The following SGCZ variants were observed in gnomAD, a reference collection of about 807,000 sequenced individuals.
SGCZ encodes the protein sarcoglycan zeta, also known as zeta-sarcoglycan.
In SGCZ, 40 loss-of-function variants were observed where a neutral mutation model predicts 41.3. The observed-to-expected ratio is 0.97, with a 90% CI of 0.75 to 1.26. The LOEUF is 1.26. Among genes scored for constraint, SGCZ ranks in the 50% most tolerant of loss-of-function variants. The probability of loss-of-function intolerance (pLI) is 0.00; values close to 1 mark genes in which losing one functional copy is unlikely to be tolerated. For synonymous variants in SGCZ, 206 were observed against 137.5 expected, an observed-to-expected ratio of 1.50 and a Z score of -3.49; for missense variants, 552 against 369.8, an observed-to-expected ratio of 1.49 and a Z score of -4.04.
intron 1 of SGCZ, among the ~76,000 whole-genome samples, chr8:15,206,980 A>G (rs1801089195): frequency 6.6e-6 from 1 of 152,198 alleles, no homozygotes; most frequent in Admixed American, 6.5e-5. Flanking sequence ...AGCTTGCAGA[A>G]AAAAGGAAAG....
At position 14,363,682 on chromosome 8, in the gene SGCZ, T is replaced by A. The variant is rs1378323159; in HGVS notation, c.235-39478A>T. Among the ~76,000 whole-genome samples, 4 of 152,168 alleles carry A rather than the reference T, an allele frequency of 2.6e-5. No individual in the cohort carries two copies. In the East Asian group the frequency reaches 7.7e-4, roughly 29 times the overall value. On this transcript the variant is annotated intron_variant, in intron 2 of 7. Coordinates refer to ENST00000382080, the MANE Select transcript of SGCZ (RefSeq NM_139167.4). ...TTATTCAGTTTTATTCAGTTAACAG[T>A]TATGCACAGTGGTTTGTGGCAGCTG...
In SGCZ at chr8:14,891,789, C is replaced by T. The variant is rs542085399; in HGVS notation, c.40-336863G>A. On this transcript the variant is annotated intron_variant, in intron 1 of 7. Transcript: ENST00000382080. Reference sequence around the variant, plus strand: ...ATTGTCTTATTTTAAGCCGTTGCCACGGCTACCTCACTCTTTAGCAACCAT... The same window carrying T: ...ATTGTCTTATTTTAAGCCGTTGCCATGGCTACCTCACTCTTTAGCAACCAT... Among the ~76,000 whole-genome samples, 12 of 152,300 alleles carry T rather than the reference C, an allele frequency of 7.9e-5. No homozygotes were observed. The East Asian group carries it at 1.4e-3, about 17-fold the overall frequency.
chr8:14,426,052 C>G (rs1799773748), intron 2 of SGCZ, among the ~76,000 whole-genome samples: 1 of 151,666 alleles, frequency 6.6e-6, no homozygotes, highest in South Asian at 2.1e-4. Context: ...CATTTTTTTT[C>G]TAGTAAGAAT....
At chr8:14,912,082 TTC>T (rs1491371887) in intron 1 of SGCZ, among the ~76,000 whole-genome samples, 2 of 126,322 alleles carry the variant, frequency 1.6e-5, no homozygotes, top group Non-Finnish European at 3.1e-5. Context: ...ACCTATTTGT[TTC>T]TGTTTCTAGA....
At chr8:14,810,052 C>A (rs1801693344) in intron 1 of SGCZ, among the ~76,000 whole-genome samples, 1 of 151,956 alleles carries the variant, frequency 6.6e-6, no homozygotes, top group South Asian at 2.1e-4. Context: ...CTGTTTTTAA[C>A]ATACCACAGA....
At chr8:14,207,011 G>A (rs1044848180) in intron 4 of SGCZ, among the ~76,000 whole-genome samples, 3 of 152,046 alleles carry the variant, frequency 2.0e-5, no homozygotes, top group South Asian at 4.1e-4. Context: ...ATTTTCTGAC[G>A]TTTTTGTGGA....
intron 3 of SGCZ, among the ~76,000 whole-genome samples, chr8:14,242,016 G>T (rs756986646): frequency 3.9e-5 from 6 of 152,126 alleles, no homozygotes; most frequent in African/African-American, 7.2e-5. Context: ...GGATACAAAA[G>T]AGAAAGAAAG....
intron 1 of SGCZ, among the ~76,000 whole-genome samples, chr8:14,799,985 T>C (rs1801267210): frequency 6.6e-6 from 1 of 152,194 alleles, no homozygotes; most frequent in African/African-American, 2.4e-5. Context: ...AAACAATTCA[T>C]AATGTTTAAC....
At chr8:14,129,203 G>A (rs1802957993) in intron 5 of SGCZ, among the ~76,000 whole-genome samples, 1 of 151,588 alleles carries the variant, frequency 6.6e-6, no homozygotes, top group Admixed American at 6.6e-5. Context: ...AAAAAAAGCT[G>A]GGTGTGGTGG....
chr8:14,136,377 A>C (rs1225741354), intron 5 of SGCZ, among the ~76,000 whole-genome samples: 2 of 152,196 alleles, frequency 1.3e-5, no homozygotes, highest in Non-Finnish European at 2.9e-5. Context: ...TCAAGGGGTC[A>C]GAGAATTCCC....
At chr8:14,532,979 T>A (rs1803180982) in intron 2 of SGCZ, among the ~76,000 whole-genome samples, 1 of 152,104 alleles carries the variant, frequency 6.6e-6, no homozygotes, top group African/African-American at 2.4e-5. Context: ...CCCTCTACAA[T>A]CAAATTGCAT....
intron 1 of SGCZ, among the ~76,000 whole-genome samples, chr8:15,183,944 G>A (rs1246991325): frequency 1.3e-5 from 2 of 152,130 alleles, no homozygotes; most frequent in Non-Finnish European, 2.9e-5. Context: ...AAAGGTCTGT[G>A]TAAAGCAAAG....
chr8:14,511,652 T>C (rs1485991698), intron 2 of SGCZ, among the ~76,000 whole-genome samples: 1 of 152,138 alleles, frequency 6.6e-6, no homozygotes, highest in East Asian at 1.9e-4. Flanking sequence ...ACTAATTATA[T>C]TTTAGAAGTG....
intron 1 of SGCZ, among the ~76,000 whole-genome samples, chr8:15,127,553 A>C (rs958343457): frequency 1.3e-5 from 2 of 152,194 alleles, no homozygotes; most frequent in African/African-American, 4.8e-5. Flanking sequence ...ATTTTTACAA[A>C]TATTCTTGTG....
chr8:14,449,944 T>C (rs772766255), intron 2 of SGCZ, among the ~76,000 whole-genome samples: 6 of 152,082 alleles, frequency 3.9e-5, no homozygotes, highest in African/African-American at 1.4e-4. Flanking sequence ...ATATAGACAA[T>C]ATAATGTGAA....
At chr8:14,441,677 T>C (rs1239333675) in intron 2 of SGCZ, among the ~76,000 whole-genome samples, 3 of 152,224 alleles carry the variant, frequency 2.0e-5, no homozygotes, top group African/African-American at 7.2e-5. Context: ...GGGTTTGGCT[T>C]TGTACGCATC....
At chr8:14,684,987 T>C (rs1808565475) in intron 1 of SGCZ, among the ~76,000 whole-genome samples, 1 of 152,158 alleles carries the variant, frequency 6.6e-6, no homozygotes, top group Admixed American at 6.6e-5. Context: ...TGTCTACATA[T>C]TGGCATGTAT....
At chr8:14,804,481 A>C (rs1053055976) in intron 1 of SGCZ, among the ~76,000 whole-genome samples, 2 of 124,176 alleles carry the variant, frequency 1.6e-5, no homozygotes, top group Non-Finnish European at 3.4e-5. Context: ...GGGTATCAGC[A>C]GTGGAAGATG....
chr8:14,681,690 T>C (rs1057463040), intron 1 of SGCZ, among the ~76,000 whole-genome samples: 1 of 152,184 alleles, frequency 6.6e-6, no homozygotes, highest in African/African-American at 2.4e-5. Flanking sequence ...AGATCTAAAA[T>C]AATTATGTCC....
Sources: gnomAD v4.1 joint callset for allele counts (sites outside exome capture counted in the v4.1 genomes callset) on GRCh38, gnomAD v4.1.1 for gene constraint, MANE v1.5 for transcripts, NCBI Gene and HGNC (gene_info 2026-07-23, HGNC 2026-07-21) for gene names.